The following FAM219A variants were observed in gnomAD, a reference collection of about 807,000 sequenced individuals.
FAM219A encodes the protein protein FAM219A.
A neutral mutation model predicts 23.4 loss-of-function variants in FAM219A; 7 were observed. The ratio of observed to expected loss-of-function variants is 0.30; its 90% CI spans 0.17 to 0.56. The LOEUF is 0.56. Among genes scored for constraint, FAM219A ranks in the 20% least tolerant of loss-of-function variants. The pLI is 0.92. For synonymous variants in FAM219A, 93 were observed against 99.0 expected (o/e 0.94, Z 0.36); for missense variants, 166 against 246.9 (o/e 0.67, Z 2.20).
chr9:34,411,183 C>T (rs182026739), intron 1 of FAM219A, among the ~76,000 whole-genome samples: 3 of 152,258 alleles, frequency 2.0e-5, no homozygotes, highest in Admixed American at 2.0e-4. Flanking sequence ...ACCCTGTTTC[C>T]TCTCTTCCCT....
intron 1 of FAM219A, among the ~76,000 whole-genome samples, chr9:34,426,660 G>C (rs4879787): frequency 0.25 from 38,698 of 152,168 alleles, 5,105 homozygotes; most frequent in Admixed American, 0.3. Context: ...TCTGCCTCAG[G>C]AGGGATGGTG....
chr9:34,437,676 C>A lies in FAM219A; in HGVS notation c.60+20528G>T, dbSNP rs184107262. Among the ~76,000 whole-genome samples the A allele has an allele frequency of 3.9e-5, 6 of 152,376 alleles. No homozygotes were observed. In the East Asian group the frequency reaches 1.2e-3, roughly 29 times the overall value. On this transcript the variant is annotated intron_variant, in intron 1 of 5. Transcript: ENST00000651358. ...TCTCTGTAGATTAAGGGTATACCTT[C>A]TTTGCAGAGTTGAGAAGATTAAATG...
chr9:34,413,111 G>A (rs1821882036), intron 1 of FAM219A, among the ~76,000 whole-genome samples: 1 of 151,986 alleles, frequency 6.6e-6, no homozygotes, highest in Non-Finnish European at 1.5e-5. Context: ...GATGGAGCCA[G>A]AACTTTGGAC....
intron 1 of FAM219A, among the ~76,000 whole-genome samples, chr9:34,412,949 G>A (rs1301660722): frequency 6.6e-6 from 1 of 152,106 alleles, no homozygotes; most frequent in Non-Finnish European, 1.5e-5. Flanking sequence ...GAGAAGGGAA[G>A]GAATGAGAAT....
chr9:34,411,474 G>C (rs1194998040), intron 1 of FAM219A, among the ~76,000 whole-genome samples: 1 of 151,922 alleles, frequency 6.6e-6, no homozygotes, highest in African/African-American at 2.4e-5. Flanking sequence ...TGGATCACGA[G>C]GTCAGGAGAT....
chr9:34,419,714 T>C (rs987282690), intron 1 of FAM219A, among the ~76,000 whole-genome samples: 3 of 152,208 alleles, frequency 2.0e-5, no homozygotes, highest in Non-Finnish European at 4.4e-5. Context: ...GGCTTTTTAG[T>C]AAGCTTCAAT....
In FAM219A at chr9:34,398,472, CA is replaced by C; in HGVS notation, c.*2491del. 2 of 1,202,198 alleles carry C rather than the reference CA, an allele frequency of 1.7e-6. No homozygotes were observed. Among genetic ancestry groups the C allele is most frequent in the Non-Finnish European group, 2.4e-6 (2 of 843,176 alleles). 74.5% of individuals were successfully genotyped at this position (1,202,198 alleles called of 1,614,324 possible). A position where few individuals can be genotyped will look rare whatever the true frequency, so the allele number is the denominator to read the frequency against. ...CCTCCCAGACAGGGAAGGAGGGAGC[CA>C]CACCCCTCCCTAGACACAGAAGCTG... On this transcript the variant is annotated 3_prime_UTR_variant, in exon 6 of 6. Coordinates refer to ENST00000651358, the MANE Select transcript of FAM219A (RefSeq NM_001184940.2).
chr9:34,447,957 G>A (rs992108664), intron 1 of FAM219A, among the ~76,000 whole-genome samples: 12 of 151,204 alleles, frequency 7.9e-5, no homozygotes, highest in Non-Finnish European at 1.6e-4. Context: ...TTGCAGCCTC[G>A]AACTCCCGGG....
intron 1 of FAM219A, among the ~76,000 whole-genome samples, chr9:34,447,551 CA>C (rs1823416470): frequency 6.6e-6 from 1 of 152,198 alleles, no homozygotes; most frequent in South Asian, 2.1e-4. Flanking sequence ...CCTGGGTAAA[CA>C]AAAGAGCGCT....
intron 1 of FAM219A, among the ~76,000 whole-genome samples, chr9:34,437,995 G>C (rs987206888): frequency 2.6e-5 from 4 of 152,214 alleles, no homozygotes; most frequent in Non-Finnish European, 5.9e-5. Flanking sequence ...AGTGGGCGTG[G>C]GCTTGGCGGG....
intron 1 of FAM219A, among the ~76,000 whole-genome samples, chr9:34,449,973 C>T (rs982738536): frequency 1.3e-5 from 2 of 152,198 alleles, no homozygotes; most frequent in Non-Finnish European, 2.9e-5. Context: ...TGGTGCGTGG[C>T]CAAGGGCTTC....
At chr9:34,416,310 CGAAG>C (rs138084194) in intron 1 of FAM219A, among the ~76,000 whole-genome samples, 15,884 of 64,452 alleles carry the variant, frequency 0.25, 1,514 homozygotes, top group Non-Finnish European at 0.33. Context: ...AAGGAAGGAA[CGAAG>C]GAAGGAAGGA....
intron 1 of FAM219A, among the ~76,000 whole-genome samples, chr9:34,411,136 G>A (rs1259425894): frequency 2.0e-5 from 3 of 152,152 alleles, no homozygotes; most frequent in Non-Finnish European, 4.4e-5. Context: ...GAAAAGGTGT[G>A]CCCTCCTTAG....
At chr9:34,428,717 G>A (rs1211873966) in intron 1 of FAM219A, among the ~76,000 whole-genome samples, 2 of 152,222 alleles carry the variant, frequency 1.3e-5, no homozygotes, top group African/African-American at 2.4e-5. Flanking sequence ...GACTGAGAGC[G>A]AGCTCTGGCT....
intron 1 of FAM219A, among the ~76,000 whole-genome samples, chr9:34,448,679 G>A (rs1187219875): frequency 6.6e-6 from 1 of 152,200 alleles, no homozygotes; most frequent in Non-Finnish European, 1.5e-5. Flanking sequence ...GATTCTTCCT[G>A]ATAAAAGATT....
In FAM219A at chr9:34,417,017, C is replaced by T. The variant is rs939375225; in HGVS notation, c.61-11053G>A. ...TTTATCTTCTCCTTCTTCCTTCTTC[C>T]TTCTTCCCTCTTCCCTCCTCCTTCT... On this transcript the variant is annotated intron_variant, in intron 1 of 5. Transcript: ENST00000651358. This position sits in a 1 kb window ranked among gnomAD's most constrained non-coding sequence, Gnocchi z 4.1. 5.0e-4 allele frequency among the ~76,000 whole-genome samples: 75 copies of T among 151,512 alleles called. No individual in the cohort carries two copies. The highest frequency in any genetic ancestry group is 1.7e-3 in the African/African-American group (69 of 41,194).
rs562480149 is a variant in FAM219A at position 34,398,540 on chromosome 9, C to T, written c.*2424G>A. 1 of 663,678 alleles carries T rather than the reference C, an allele frequency of 1.5e-6. No individual in the cohort carries two copies. The highest frequency in any genetic ancestry group is 1.8e-5 in the African/African-American group (1 of 55,060). The allele number at this position is 663,678 out of a possible 1,614,324, so 41.1% of individuals were successfully genotyped here. ...GCCTCTCTCTGCCACACATGCACTG[C>T]CTCAGTTGGAAGCCCTTGCCTGCCA... On this transcript the variant is annotated 3_prime_UTR_variant, in exon 6 of 6. Coordinates refer to ENST00000651358, the MANE Select transcript of FAM219A (RefSeq NM_001184940.2).
At chr9:34,416,245 A>G (rs1473004172) in intron 1 of FAM219A, among the ~76,000 whole-genome samples, 9 of 114,528 alleles carry the variant, frequency 7.9e-5, no homozygotes, top group East Asian at 3.1e-4. Context: ...GAAAGAAAGA[A>G]AGAAAGAAAG....
chr9:34,416,070 G>A (rs1043305104), intron 1 of FAM219A, among the ~76,000 whole-genome samples: 8 of 151,834 alleles, frequency 5.3e-5, no homozygotes, highest in African/African-American at 1.5e-4. Flanking sequence ...CCAGCTACTC[G>A]GAAGGCTGAG....
Sources: allele counts gnomAD v4.1 joint callset (sites outside exome capture counted in the v4.1 genomes callset), GRCh38; gene constraint gnomAD v4.1.1; non-coding constraint Gnocchi (gnomAD v3.1); transcripts MANE v1.5; gene names NCBI Gene and HGNC (gene_info 2026-07-23, HGNC 2026-07-21).